Variants in SLC35E3 observed in about 807,000 individuals in gnomAD.
The protein encoded by SLC35E3 is bladder cancer-overexpressed gene 1 protein.
Under a neutral mutation model 30.8 loss-of-function variants are expected in SLC35E3, and 28 were observed. That is an observed-to-expected ratio of 0.91 (90% CI 0.67 to 1.25). The LOEUF is 1.25. Ranked by LOEUF, SLC35E3 falls within the 50% of genes most tolerant of loss-of-function variation. SLC35E3 has a pLI of 0.00. For missense variants in SLC35E3, 365 were observed against 375.4 expected (o/e 0.97, Z 0.23); for synonymous variants, 146 against 149.2 (o/e 0.98, Z 0.16).
At position 68,748,016 on chromosome 12, in the gene SLC35E3, T is replaced by C; in HGVS notation, c.489T>C (p.Val163=). ...GAATGGTGTTTGCTGCTCTTGGTGTTTTAGTTACATCCCTTTATCAAGTGG... is the reference window on the plus strand; with the variant it reads ...GAATGGTGTTTGCTGCTCTTGGTGTCTTAGTTACATCCCTTTATCAAGTGG... ...FLGMVFAALG[V]LVTSLYQVWV... Residue 163 remains valine, a synonymous_variant, in exon 2 of 5, where the codon GTT becomes GTC. Coordinates refer to ENST00000398004, the MANE Select transcript of SLC35E3 (RefSeq NM_018656.5). 2.5e-6 allele frequency: 4 copies of C among 1,607,464 alleles called. No homozygotes were observed. The highest frequency in any genetic ancestry group is 3.4e-6 in the Non-Finnish European group (4 of 1,174,518).
intron 3 of SLC35E3, among the ~76,000 whole-genome samples, chr12:68,756,740 C>T (rs920069359): frequency 5.9e-5 from 9 of 152,134 alleles, no homozygotes; most frequent in African/African-American, 1.7e-4. Flanking sequence ...AGTGGCTCAC[C>T]CCTGTAATCC....
At position 68,768,401 on chromosome 12, in the gene SLC35E3, G is replaced by A. The variant is rs1380374694; in HGVS notation, c.*3511G>A. The A allele has an allele frequency of 1.3e-5, 2 of 152,126 alleles. No individual in the cohort carries two copies. The highest frequency in any genetic ancestry group is 4.1e-4 in the South Asian group (2 of 4,826). The allele number at this position is 152,126 out of a possible 1,614,324, so 9.4% of individuals were successfully genotyped here. A position where few individuals can be genotyped will look rare whatever the true frequency, so the allele number is the denominator to read the frequency against. On this transcript the variant is annotated 3_prime_UTR_variant, in exon 5 of 5. Coordinates refer to ENST00000398004, the MANE Select transcript of SLC35E3 (RefSeq NM_018656.5). The stretch of plus-strand genomic sequence containing the variant: ...TAAGAAGATTGGAGTAAGACAGGAT[G>A]GGGTTACATGTATATAAATGAATAA...
intron 4 of SLC35E3, among the ~76,000 whole-genome samples, chr12:68,764,131 A>G (rs913010080): frequency 6.6e-6 from 1 of 152,212 alleles, no homozygotes; most frequent in Non-Finnish European, 1.5e-5. Flanking sequence ...AAACATAATT[A>G]TAAATTGCTG....
At chr12:68,753,048 G>A (rs762460725) in intron 3 of SLC35E3, among the ~76,000 whole-genome samples, 9 of 151,558 alleles carry the variant, frequency 5.9e-5, no homozygotes, top group Non-Finnish European at 1.2e-4. Context: ...CAAGGAGGCT[G>A]AGGCACAAAA....
chr12:68,772,183 A>G lies in SLC35E3; in HGVS notation c.*7293A>G, dbSNP rs1233984690. 6.6e-6 allele frequency: 1 copy of G among 151,928 alleles called. No homozygotes were observed. The highest frequency in any genetic ancestry group is 1.5e-5 in the Non-Finnish European group (1 of 68,012). The allele number at this position is 151,928 out of a possible 1,614,324, so 9.4% of individuals were successfully genotyped here. On this transcript the variant is annotated 3_prime_UTR_variant, in exon 5 of 5. Coordinates refer to ENST00000398004, the MANE Select transcript of SLC35E3 (RefSeq NM_018656.5). ...CTCCCGAGTAGCTGAGATTACAGGC[A>G]CCCACCATCATGCCCAGCTAATTTT...
rs961462284 is a variant in SLC35E3, at chr12:68,769,752, A to G, written c.*4862A>G. ...AAACTTAAACTGGATTATACCTGCT[A>G]ATATCAGGAATATAATGATAATTGC... On this transcript the variant is annotated 3_prime_UTR_variant, in exon 5 of 5. Coordinates refer to ENST00000398004, the MANE Select transcript of SLC35E3 (RefSeq NM_018656.5). 2.0e-5 allele frequency: 3 copies of G among 152,234 alleles called. No individual in the cohort carries two copies. Among genetic ancestry groups the G allele is most frequent in the African/African-American group, 7.2e-5 (3 of 41,466 alleles). The allele number at this position is 152,234 out of a possible 1,614,324, so 9.4% of individuals were successfully genotyped here.
At position 68,775,604 on chromosome 12, in the gene SLC35E3, T is replaced by C. The variant is rs914765044; in HGVS notation, c.*10714T>C. The C allele has an allele frequency of 5.9e-5, 9 of 152,196 alleles. No homozygotes were observed. Among genetic ancestry groups the C allele is most frequent in the Non-Finnish European group, 1.3e-4 (9 of 68,056 alleles). 9.4% of individuals were successfully genotyped at this position (152,196 alleles called of 1,614,324 possible). Reference sequence around the variant, plus strand: ...TCAATATTGCCACATTGGGGATGTTTCCAGATGAGTTTTGGAGGAGACAAA... The same window carrying C: ...TCAATATTGCCACATTGGGGATGTTCCCAGATGAGTTTTGGAGGAGACAAA... On this transcript the variant is annotated 3_prime_UTR_variant, in exon 5 of 5. Coordinates refer to ENST00000398004, the MANE Select transcript of SLC35E3 (RefSeq NM_018656.5).
rs144545852 is a variant in SLC35E3, at chr12:68,764,328, G to C, written c.756-376G>C. Among the ~76,000 whole-genome samples, 14 of 152,214 alleles carry C rather than the reference G, an allele frequency of 9.2e-5. No homozygotes were observed. The South Asian group carries it at 2.9e-3, about 32-fold the overall frequency. The stretch of plus-strand genomic sequence containing the variant: ...TTTTTTTAGACAGTCTTGTTCTGTC[G>C]CCTGGACTAGAGTGCAGTTGTGCAT... On this transcript the variant is annotated intron_variant, in intron 4 of 4. Transcript: ENST00000398004.
chr12:68,764,640 AGT>A (rs1362010957), intron 4 of SLC35E3, 62 bp from the exon 5 acceptor site: 4 of 1,495,922 alleles, frequency 2.7e-6, no homozygotes, highest in South Asian at 2.4e-5. Flanking sequence ...ATGCAGTGCG[AGT>A]GTGTGTGTAA....
Position 68,766,624 on chromosome 12 carries a change from G to T in SLC35E3, c.*1734G>T. The T allele has an allele frequency of 4.2e-6, 1 of 238,484 alleles. No individual in the cohort carries two copies. The highest frequency in any genetic ancestry group is 8.9e-6 in the Non-Finnish European group (1 of 112,954). 14.8% of individuals were successfully genotyped at this position (238,484 alleles called of 1,614,324 possible). A position where few individuals can be genotyped will look rare whatever the true frequency, so the allele number is the denominator to read the frequency against. On this transcript the variant is annotated 3_prime_UTR_variant, in exon 5 of 5. Transcript: ENST00000398004. ...TTTTCTTATTTTTTGTCTTACAGTC[G>T]ACCAGGCTGGAATGCAGTGGCACAA...
rs1163052057 is a variant in SLC35E3, at chr12:68,767,534, AAAAG to A, written c.*2645_*2648del. On this transcript the variant is annotated 3_prime_UTR_variant, in exon 5 of 5. Transcript: ENST00000398004. ...CTGTCTCGGGAAAAAAAAAAAAAAA[AAAAG>A]GGAAGAGCGACAAAATATACCTTTT... 6 of 151,908 alleles carry A rather than the reference AAAAG, an allele frequency of 3.9e-5. No individual in the cohort carries two copies. Among genetic ancestry groups the A allele is most frequent in the Non-Finnish European group, 5.9e-5 (4 of 67,990 alleles). 9.4% of individuals were successfully genotyped at this position (151,908 alleles called of 1,614,324 possible). A position where few individuals can be genotyped will look rare whatever the true frequency, so the allele number is the denominator to read the frequency against.
chr12:68,758,225 G>A (rs796312111), intron 3 of SLC35E3, among the ~76,000 whole-genome samples: 32 of 152,130 alleles, frequency 2.1e-4, no homozygotes, highest in African/African-American at 7.2e-4. Flanking sequence ...TTCAAGACCA[G>A]CCTGGCCAAG....
Position 68,774,643 on chromosome 12 carries a change from C to G in SLC35E3, c.*9753C>G. 1 of 151,334 alleles carries G rather than the reference C, an allele frequency of 6.6e-6. No homozygotes were observed. Among genetic ancestry groups the G allele is most frequent in the Non-Finnish European group, 1.5e-5 (1 of 68,058 alleles). The allele number at this position is 151,334 out of a possible 1,614,324, so 9.4% of individuals were successfully genotyped here. On this transcript the variant is annotated 3_prime_UTR_variant, in exon 5 of 5. Coordinates refer to ENST00000398004, the MANE Select transcript of SLC35E3 (RefSeq NM_018656.5). ...GTCTCAGCTACTCAGGAAGCTGAAGCAGGAGGATTGCCTGATCCTGGGAGG... is the reference window on the plus strand; with the variant it reads ...GTCTCAGCTACTCAGGAAGCTGAAGGAGGAGGATTGCCTGATCCTGGGAGG...
At chr12:68,761,087 C>A (rs983170757) in intron 4 of SLC35E3, among the ~76,000 whole-genome samples, 6 of 152,084 alleles carry the variant, frequency 3.9e-5, no homozygotes, top group African/African-American at 1.4e-4. Flanking sequence ...ACCAAGGAAG[C>A]CTGTGTGGTT....
intron 3 of SLC35E3, among the ~76,000 whole-genome samples, chr12:68,753,737 G>A (rs903685909): frequency 6.7e-6 from 1 of 149,448 alleles, no homozygotes; most frequent in East Asian, 1.9e-4. Flanking sequence ...CCCCTAATCC[G>A]TGCCCCTTGA....
rs1879660005 is a variant in SLC35E3, at chr12:68,773,476, A to C, written c.*8586A>C. Reference sequence around the variant, plus strand: ...GGCTGGAGTGCAGTGGTGCAATCACAGCTCACTGCAGCCTCGAATTCCTAG... The same window carrying C: ...GGCTGGAGTGCAGTGGTGCAATCACCGCTCACTGCAGCCTCGAATTCCTAG... On this transcript the variant is annotated 3_prime_UTR_variant, in exon 5 of 5. Coordinates refer to ENST00000398004, the MANE Select transcript of SLC35E3 (RefSeq NM_018656.5). The C allele has an allele frequency of 6.6e-6, 1 of 152,322 alleles. No individual in the cohort carries two copies. Among genetic ancestry groups the C allele is most frequent in the African/African-American group, 2.4e-5 (1 of 41,424 alleles). The allele number at this position is 152,322 out of a possible 1,614,324, so 9.4% of individuals were successfully genotyped here. A position where few individuals can be genotyped will look rare whatever the true frequency, so the allele number is the denominator to read the frequency against.
At chr12:68,763,779 A>G (rs143755072) in intron 4 of SLC35E3, among the ~76,000 whole-genome samples, 1 of 152,176 alleles carries the variant, frequency 6.6e-6, no homozygotes, top group Non-Finnish European at 1.5e-5. Context: ...ATCCAGTGGC[A>G]TGTTACTGGC....
Position 68,747,884 on chromosome 12 carries a change from T to C in SLC35E3, c.403-46T>C, listed in dbSNP as rs139538413. 1,151 of 977,298 alleles carry C rather than the reference T, an allele frequency of 1.2e-3. 10 individuals carry two copies. In the African/African-American group the frequency reaches 0.017, roughly 15 times the overall value. The allele number at this position is 977,298 out of a possible 1,614,324, so 60.5% of individuals were successfully genotyped here. On this transcript the variant is annotated intron_variant, in intron 1 of 4. Transcript: ENST00000398004. ...TTGTGAAAGGAATACTAAATTTTTG[T>C]CTCTTGAATTTAATCTGAACAACAT... is the stretch of plus-strand genomic sequence containing the variant.
At chr12:68,758,276 C>T (rs1235243737) in intron 3 of SLC35E3, among the ~76,000 whole-genome samples, 5 of 151,876 alleles carry the variant, frequency 3.3e-5, no homozygotes, top group East Asian at 3.9e-4. Context: ...AAAAATTAGC[C>T]GGGCGCAGTG....
Sources: allele counts gnomAD v4.1 joint callset (sites outside exome capture counted in the v4.1 genomes callset), GRCh38; gene constraint gnomAD v4.1.1; transcripts MANE v1.5; gene names NCBI Gene and HGNC (gene_info 2026-07-23, HGNC 2026-07-21).